Variants in HECW2 observed in about 807,000 individuals in gnomAD.
HECW2 encodes HECT, C2 and WW domain containing E3 ubiquitin protein ligase 2, also known as E3 ubiquitin-protein ligase HECW2.
A neutral mutation model predicts 175.2 loss-of-function variants in HECW2; 61 were observed. The observed-to-expected ratio is 0.35, with a 90% CI of 0.28 to 0.43. HECW2 has a LOEUF of 0.43. Ranked by LOEUF, HECW2 falls within the 20% of genes least tolerant of loss-of-function variation. HECW2 has a pLI of 1.00. For missense variants in HECW2, 1,524 were observed against 2,000.5 expected (o/e 0.76, Z 4.54); for synonymous variants, 671 against 731.0 (o/e 0.92, Z 1.32).
At position 196,242,083 on chromosome 2, in the gene HECW2, CT is replaced by C; in HGVS notation, c.3650del (p.Lys1217SerfsTer2). On this transcript the variant is annotated frameshift_variant and splice_region_variant, in exon 20 of 29. Coordinates refer to ENST00000644978, the MANE Select transcript of HECW2 (RefSeq NM_001348768.2). LOFTEE classifies it high-confidence loss of function. ...ATGTGGTTTGTGTCACTTTGACTTA[CT>C]TTAACTTCCCTGGGCCTTGTCCATA... The part of the protein sequence containing the change: ...KGYGQGPGKL[K>X]LIIRRDHLLE... 6.2e-7 allele frequency: 1 copy of C among 1,614,052 alleles called. No homozygotes were observed. The highest frequency in any genetic ancestry group is 8.5e-7 in the Non-Finnish European group (1 of 1,179,922).
chr2:196,552,409 TC>T (rs1469788290), intron 1 of HECW2, among the ~76,000 whole-genome samples: 1 of 152,130 alleles, frequency 6.6e-6, no homozygotes, highest in Admixed American at 6.5e-5. Context: ...TTTCTTACTT[TC>T]CCCATTCTCC....
intron 1 of HECW2, among the ~76,000 whole-genome samples, chr2:196,588,331 A>C (rs1455615666): frequency 6.6e-6 from 1 of 152,206 alleles, no homozygotes; most frequent in African/African-American, 2.4e-5. Flanking sequence ...TGGATGAATG[A>C]ATTAAATTTT....
intron 14 of HECW2, chr2:196,291,853 C>A (rs559239300): frequency 6.6e-6 from 1 of 152,294 alleles, no homozygotes; most frequent in South Asian, 2.1e-4. Context: ...ATAGTAGGTA[C>A]TACATAAGAG....
chr2:196,212,565 A>G (rs1333567804), intron 28 of HECW2, among the ~76,000 whole-genome samples: 1 of 152,182 alleles, frequency 6.6e-6, no homozygotes, highest in Admixed American at 6.5e-5. Flanking sequence ...CATGGTATAT[A>G]TGTACCATAT....
intron 1 of HECW2, among the ~76,000 whole-genome samples, chr2:196,551,556 T>C (rs1045561712): frequency 2.0e-5 from 3 of 152,194 alleles, no homozygotes; most frequent in African/African-American, 7.2e-5. Flanking sequence ...TAATTCAAAA[T>C]ATACAAATGT....
At chr2:196,507,857 C>T (rs1476673283) in intron 1 of HECW2, among the ~76,000 whole-genome samples, 1 of 152,194 alleles carries the variant, frequency 6.6e-6, no homozygotes, top group Non-Finnish European at 1.5e-5. Context: ...TTCAGGGATT[C>T]CTTCTACCAC....
chr2:196,350,856 G>A (rs2105852170), intron 2 of HECW2, among the ~76,000 whole-genome samples: 1 of 152,298 alleles, frequency 6.6e-6, no homozygotes, highest in South Asian at 2.1e-4. Flanking sequence ...TGGTGTCTGT[G>A]CTTGATTCAT....
At chr2:196,292,406 G>A (rs767245170) in intron 14 of HECW2, 159 bp downstream of exon 14, 1 of 616,692 alleles carries the variant, frequency 1.6e-6, no homozygotes, top group Non-Finnish European at 2.9e-6. Context: ...ACTGTTTGTG[G>A]TCACAAACAA....
intron 1 of HECW2, among the ~76,000 whole-genome samples, chr2:196,547,396 T>C (rs1272592823): frequency 1.3e-5 from 2 of 152,190 alleles, no homozygotes; most frequent in Non-Finnish European, 2.9e-5. Flanking sequence ...ATAAAAACTT[T>C]ATATTTGCCC....
chr2:196,297,573 T>A (rs1690866036), intron 13 of HECW2, among the ~76,000 whole-genome samples: 1 of 152,206 alleles, frequency 6.6e-6, no homozygotes, highest in Non-Finnish European at 1.5e-5. Flanking sequence ...TGTCCTAGAT[T>A]ACCTGGCCCA....
rs185054621 is a variant in HECW2, at chr2:196,255,517, T to C, written c.3420-1488A>G. Among the ~76,000 whole-genome samples, 193 of 152,304 alleles carry C rather than the reference T, an allele frequency of 1.3e-3. 1 individual carries two copies. Among genetic ancestry groups the C allele is most frequent in the African/African-American group, 4.3e-3 (178 of 41,572 alleles). On this transcript the variant is annotated intron_variant, in intron 18 of 28. Transcript: ENST00000644978. ...TCAATAACAAATTAAACAAGGTCAT[T>C]TAAAAATTATTGGGTTTTAAAATAG... is the stretch of plus-strand genomic sequence containing the variant.
chr2:196,363,664 G>A (rs1693664371), intron 2 of HECW2, among the ~76,000 whole-genome samples: 2 of 152,092 alleles, frequency 1.3e-5, no homozygotes, highest in African/African-American at 4.8e-5. Context: ...ACAAAAACAT[G>A]TTTTTTAAAC....
chr2:196,328,085 T>TA (rs997549044), intron 5 of HECW2, among the ~76,000 whole-genome samples: 2 of 152,012 alleles, frequency 1.3e-5, no homozygotes, highest in Admixed American at 6.6e-5. Context: ...ACCTGTAAAT[T>TA]AAAAAAACAA....
At chr2:196,205,178 G>C (rs372927184) in intron 28 of HECW2, among the ~76,000 whole-genome samples, 1 of 152,130 alleles carries the variant, frequency 6.6e-6, no homozygotes, top group East Asian at 1.9e-4. Context: ...AAAATATTTC[G>C]CGATGATGGG....
chr2:196,322,432 A>T (rs374470729), intron 7 of HECW2, 46 bp downstream of exon 7: 3 of 1,547,468 alleles, frequency 1.9e-6, no homozygotes, highest in Admixed American at 2.0e-5. Flanking sequence ...ATTTTTTCCT[A>T]TATGAACTAA....
At chr2:196,473,075 A>G (rs1290161825) in intron 1 of HECW2, among the ~76,000 whole-genome samples, 1 of 152,260 alleles carries the variant, frequency 6.6e-6, no homozygotes, top group African/African-American at 2.4e-5. Context: ...ACTGAAACAG[A>G]TAACTGATAG....
chr2:196,399,753 A>G (rs6434848), intron 2 of HECW2, among the ~76,000 whole-genome samples: 137,673 of 152,248 alleles, frequency 0.9, 62,774 homozygotes, highest in East Asian at 0.99. Context: ...TGACAGATAG[A>G]ACCGTAGGCC....
At chr2:196,381,954 A>G (rs1418004465) in intron 2 of HECW2, among the ~76,000 whole-genome samples, 2 of 152,186 alleles carry the variant, frequency 1.3e-5, no homozygotes, top group African/African-American at 4.8e-5. Context: ...GACAATTTAA[A>G]TGTCCACTAC....
At chr2:196,264,824 G>A (rs1211535678) in intron 17 of HECW2, among the ~76,000 whole-genome samples, 3 of 152,168 alleles carry the variant, frequency 2.0e-5, no homozygotes, top group Admixed American at 6.5e-5. Context: ...AACATGACTA[G>A]CACTTATTCC....
Sources: allele counts gnomAD v4.1 joint callset (sites outside exome capture counted in the v4.1 genomes callset), GRCh38; gene constraint gnomAD v4.1.1; transcripts MANE v1.5; gene names NCBI Gene and HGNC (gene_info 2026-07-23, HGNC 2026-07-21).